Variants in PPARGC1A observed in about 807,000 individuals in gnomAD.
PPARGC1A encodes the protein peroxisome proliferator-activated receptor gamma coactivator 1-alpha.
A neutral mutation model predicts 88.7 loss-of-function variants in PPARGC1A; 25 were observed. The observed-to-expected ratio is 0.28, with a 90% confidence interval of 0.21 to 0.39. PPARGC1A has a LOEUF of 0.39. Among genes scored for constraint, PPARGC1A ranks in the 10% least tolerant of loss-of-function variants. The pLI is 1.00. For missense variants in PPARGC1A, 880 were observed against 968.7 expected (o/e 0.91, Z 1.22); for synonymous variants, 363 against 355.6 (o/e 1.02, Z -0.24).
the PPARGC1A span, among the ~76,000 whole-genome samples, chr4:24,404,417 T>G: frequency 1.3e-5 from 2 of 151,876 alleles, no homozygotes; most frequent in African/African-American, 4.8e-5. Context: ...GCTAATAAAG[T>G]AAAAATCTTT....
the PPARGC1A span, among the ~76,000 whole-genome samples, chr4:24,326,833 C>T: frequency 9.9e-5 from 15 of 152,186 alleles, no homozygotes; most frequent in Non-Finnish European, 2.2e-4. Flanking sequence ...CTGTTTTAGC[C>T]TAGCCCTCAT....
the PPARGC1A span, among the ~76,000 whole-genome samples, chr4:24,253,122 G>A: frequency 6.6e-6 from 1 of 152,086 alleles, no homozygotes; most frequent in Admixed American, 6.6e-5. Flanking sequence ...GAGCATGCAG[G>A]AAAACTTTCT....
the PPARGC1A span, among the ~76,000 whole-genome samples, chr4:24,467,334 G>C: frequency 6.6e-6 from 1 of 152,174 alleles, no homozygotes; most frequent in Non-Finnish European, 1.5e-5. Context: ...AGGTAAGAAC[G>C]TAGAAATGCA....
chr4:23,800,015 C>T (rs977166251), intron 12 of PPARGC1A, among the ~76,000 whole-genome samples: 2 of 152,186 alleles, frequency 1.3e-5, no homozygotes, highest in East Asian at 1.9e-4. Context: ...AGCTGCCTCT[C>T]CACTGCTTCC....
At chr4:24,206,600 G>A in the PPARGC1A span, among the ~76,000 whole-genome samples, 2 of 152,112 alleles carry the variant, frequency 1.3e-5, no homozygotes, top group Non-Finnish European at 1.5e-5. Context: ...GGGAGGCTGA[G>A]GCAGGTTGAT....
chr4:23,824,367 C>A lies in PPARGC1A; in HGVS notation c.804-14G>T. The A allele has an allele frequency of 6.2e-7, 1 of 1,612,612 alleles. No homozygotes were observed. On this transcript the variant is annotated splice_polypyrimidine_tract_variant and intron_variant, in intron 6 of 12. Coordinates refer to ENST00000264867, the MANE Select transcript of PPARGC1A (RefSeq NM_013261.5). Reference sequence around the variant, plus strand: ...CCCTTGGGGTCACTGGAAGATATGGCACATTTATAAAAACAAACTGAAATG... The same window carrying A: ...CCCTTGGGGTCACTGGAAGATATGGAACATTTATAAAAACAAACTGAAATG...
intron 2 of PPARGC1A, among the ~76,000 whole-genome samples, chr4:23,866,939 T>C (rs923701543): frequency 6.6e-6 from 1 of 152,200 alleles, no homozygotes; most frequent in Non-Finnish European, 1.5e-5. Context: ...CGGAGTGCAA[T>C]GTAGACGGGA....
At chr4:24,314,407 T>C in the PPARGC1A span, among the ~76,000 whole-genome samples, 1 of 152,186 alleles carries the variant, frequency 6.6e-6, no homozygotes, top group Non-Finnish European at 1.5e-5. Context: ...TTAGTCCCTC[T>C]TTGTCCTTCT....
At chr4:23,908,707 A>G (rs937202831), upstream of PPARGC1A, among the ~76,000 whole-genome samples, 1 of 152,220 alleles carries the variant, frequency 6.6e-6, no homozygotes, top group Non-Finnish European at 1.5e-5. Flanking sequence ...TACCTTATAA[A>G]GTTGATCCTA....
At chr4:24,321,140 G>T in the PPARGC1A span, among the ~76,000 whole-genome samples, 3 of 152,164 alleles carry the variant, frequency 2.0e-5, no homozygotes, top group East Asian at 5.8e-4. Flanking sequence ...AAATAGAGGT[G>T]CCCTTCAAAT....
At chr4:24,293,062 C>T in the PPARGC1A span, among the ~76,000 whole-genome samples, 2 of 4,284 alleles carry the variant, frequency 4.7e-4, no homozygotes, top group African/African-American at 3.6e-3. Flanking sequence ...CTCCTCCCTC[C>T]CCCTCATCCC....
At chr4:24,106,738 C>T in the PPARGC1A span, among the ~76,000 whole-genome samples, 3 of 152,310 alleles carry the variant, frequency 2.0e-5, no homozygotes, top group South Asian at 2.1e-4. Context: ...GGCAAAAGTG[C>T]CTTGTCCCTT....
At chr4:23,858,917 ATATAAAT>A (rs1334275589) in intron 2 of PPARGC1A, among the ~76,000 whole-genome samples, 1 of 149,268 alleles carries the variant, frequency 6.7e-6, no homozygotes, top group Non-Finnish European at 1.5e-5. Context: ...ACTTATATAA[ATATAAAT>A]TATATAGATT....
chr4:23,984,633 T>C, the PPARGC1A span, among the ~76,000 whole-genome samples: 2 of 152,222 alleles, frequency 1.3e-5, no homozygotes, highest in East Asian at 3.9e-4. Context: ...GCCAGGTGTA[T>C]AATCATGTAT....
chr4:24,273,593 G>A, the PPARGC1A span, among the ~76,000 whole-genome samples: 3 of 152,130 alleles, frequency 2.0e-5, no homozygotes, highest in African/African-American at 7.2e-5. Flanking sequence ...AAGAGAATGA[G>A]AATTTTCCTA....
At chr4:24,117,637 A>T in the PPARGC1A span, among the ~76,000 whole-genome samples, 72 of 151,742 alleles carry the variant, frequency 4.7e-4, 1 homozygote, top group South Asian at 0.014. Context: ...AAAAGAGCTC[A>T]GTGACTCCCC....
chr4:23,987,677 T>A, the PPARGC1A span, among the ~76,000 whole-genome samples: 4 of 152,018 alleles, frequency 2.6e-5, no homozygotes, highest in African/African-American at 9.7e-5. Flanking sequence ...TTCTAAGTTA[T>A]GTTACCTCCG....
At chr4:23,957,324 G>T in the PPARGC1A span, among the ~76,000 whole-genome samples, 1 of 152,058 alleles carries the variant, frequency 6.6e-6, no homozygotes, top group South Asian at 2.1e-4. Context: ...GTTTCCCCTA[G>T]GAATGTTGAC....
chr4:23,957,066 A>G, the PPARGC1A span, among the ~76,000 whole-genome samples: 3 of 152,084 alleles, frequency 2.0e-5, no homozygotes, highest in Non-Finnish European at 4.4e-5. Flanking sequence ...TCTAACCACT[A>G]CAAGATACTC....
Sources: gnomAD v4.1 joint callset for allele counts (sites outside exome capture counted in the v4.1 genomes callset) on GRCh38, gnomAD v4.1.1 for gene constraint, MANE v1.5 for transcripts, NCBI Gene and HGNC (gene_info 2026-07-23, HGNC 2026-07-21) for gene names.